BTRC: variants seen among roughly 807,000 people sequenced by gnomAD.
BTRC encodes the protein beta-transducin repeat containing E3 ubiquitin protein ligase.
Under a neutral mutation model 85.5 loss-of-function variants are expected in BTRC, and 42 were observed. The observed-to-expected ratio is 0.49, with a 90% CI of 0.38 to 0.64. The LOEUF (loss-of-function observed/expected upper bound fraction) is 0.64, where lower values mean the gene tolerates loss of function less well. BTRC is among the 30% of genes least tolerant of loss of function. The pLI is 0.00. For synonymous variants in BTRC, 255 were observed against 263.3 expected (o/e 0.97, Z 0.30); for missense variants, 594 against 743.5 (o/e 0.80, Z 2.34).
intron 14 of BTRC, chr10:101,551,240 A>G (rs1483655165): frequency 5.8e-6 from 1 of 171,426 alleles, no homozygotes; most frequent in East Asian, 1.6e-4. Context: ...TTAAGTTCCC[A>G]GATCAAACAA....
intron 3 of BTRC, among the ~76,000 whole-genome samples, chr10:101,471,238 A>G (rs1945515979): frequency 6.6e-6 from 1 of 152,086 alleles, no homozygotes; most frequent in Non-Finnish European, 1.5e-5. Flanking sequence ...GCAGTCTGTG[A>G]GGGGCTGGGT....
chr10:101,467,443 C>T (rs955022654), intron 3 of BTRC, among the ~76,000 whole-genome samples: 5 of 151,072 alleles, frequency 3.3e-5, no homozygotes, highest in African/African-American at 1.2e-4. Flanking sequence ...CTCGAGAAAA[C>T]CCATTCCCTA....
chr10:101,456,667 T>A (rs1945091897), intron 2 of BTRC, among the ~76,000 whole-genome samples: 1 of 152,204 alleles, frequency 6.6e-6, no homozygotes, highest in Non-Finnish European at 1.5e-5. Flanking sequence ...GCTTTAGCAG[T>A]ATTTCCTTTA....
At chr10:101,427,677 T>C (rs1366720141) in intron 1 of BTRC, among the ~76,000 whole-genome samples, 1 of 151,546 alleles carries the variant, frequency 6.6e-6, no homozygotes, top group African/African-American at 2.4e-5. Context: ...CACAGGCATG[T>C]GCCACCATGC....
At chr10:101,501,064 C>T (rs1230420224) in intron 4 of BTRC, among the ~76,000 whole-genome samples, 2 of 151,984 alleles carry the variant, frequency 1.3e-5, no homozygotes, top group Non-Finnish European at 2.9e-5. Flanking sequence ...GGCATGGTGG[C>T]ACACGCCTGT....
chr10:101,424,491 G>A (rs780846829), intron 1 of BTRC, among the ~76,000 whole-genome samples: 14 of 152,174 alleles, frequency 9.2e-5, no homozygotes, highest in Non-Finnish European at 4.4e-5. Flanking sequence ...TTAAGGATAC[G>A]TAAACTCTCA....
chr10:101,496,025 G>A (rs1224315676), intron 4 of BTRC, among the ~76,000 whole-genome samples: 1 of 146,738 alleles, frequency 6.8e-6, no homozygotes, highest in Non-Finnish European at 1.5e-5. Context: ...TTTTTTTACT[G>A]TCTGAATTAT....
At chr10:101,470,637 T>A (rs574589894) in intron 3 of BTRC, among the ~76,000 whole-genome samples, 1 of 152,202 alleles carries the variant, frequency 6.6e-6, no homozygotes, top group Non-Finnish European at 1.5e-5. Context: ...GCCGGTTTTT[T>A]CTTTTAGAAG....
At chr10:101,473,614 G>T (rs1022456083) in intron 3 of BTRC, among the ~76,000 whole-genome samples, 1 of 151,878 alleles carries the variant, frequency 6.6e-6, no homozygotes, top group Non-Finnish European at 1.5e-5. Context: ...GGGATTACAG[G>T]CACTTGCCAC....
chr10:101,441,738 A>G (rs895661238), intron 2 of BTRC, among the ~76,000 whole-genome samples: 1 of 152,080 alleles, frequency 6.6e-6, no homozygotes, highest in Non-Finnish European at 1.5e-5. Context: ...AAAATTAGCC[A>G]GGCGTGGTAG....
chr10:101,539,855 T>C (rs553751816), intron 13 of BTRC, among the ~76,000 whole-genome samples: 1 of 152,362 alleles, frequency 6.6e-6, no homozygotes, highest in South Asian at 2.1e-4. Flanking sequence ...GTCTGTAATT[T>C]AGTCATTCTC....
At chr10:101,468,054 A>T (rs1364084975) in intron 3 of BTRC, among the ~76,000 whole-genome samples, 1 of 152,194 alleles carries the variant, frequency 6.6e-6, no homozygotes, top group South Asian at 2.1e-4. Flanking sequence ...ACGGTTTGGC[A>T]ATTTGTGCCT....
At chr10:101,506,262 T>G (rs969478437) in intron 4 of BTRC, among the ~76,000 whole-genome samples, 4 of 152,172 alleles carry the variant, frequency 2.6e-5, no homozygotes, top group African/African-American at 9.7e-5. Flanking sequence ...TGGGTGGCCC[T>G]TTGAACTGAA....
intron 1 of BTRC, among the ~76,000 whole-genome samples, chr10:101,408,413 C>T (rs1943687392): frequency 6.6e-6 from 1 of 152,008 alleles, no homozygotes; most frequent in Non-Finnish European, 1.5e-5. Flanking sequence ...CTCAAGTGAT[C>T]CTCTCATCTC....
At chr10:101,462,404 G>A (rs1041086444) in intron 3 of BTRC, among the ~76,000 whole-genome samples, 13 of 152,176 alleles carry the variant, frequency 8.5e-5, no homozygotes, top group Non-Finnish European at 1.9e-4. Flanking sequence ...CAGCAGCCGG[G>A]CAAGGTGGCT....
intron 1 of BTRC, among the ~76,000 whole-genome samples, chr10:101,427,947 A>T (rs1056678548): frequency 2.0e-5 from 3 of 152,196 alleles, no homozygotes; most frequent in Non-Finnish European, 4.4e-5. Context: ...AAGCATTCTT[A>T]ATACGTATAA....
At chr10:101,506,079 A>G (rs1486668292) in intron 4 of BTRC, among the ~76,000 whole-genome samples, 1 of 151,978 alleles carries the variant, frequency 6.6e-6, no homozygotes, top group Non-Finnish European at 1.5e-5. Flanking sequence ...ATGCACTGCT[A>G]ATTTTTCTAT....
intron 2 of BTRC, among the ~76,000 whole-genome samples, chr10:101,443,515 A>C (rs1944745482): frequency 6.6e-6 from 1 of 152,218 alleles, no homozygotes; most frequent in Non-Finnish European, 1.5e-5. Context: ...ACTTCAGTAA[A>C]AGTGCTGTTG....
chr10:101,454,401 T>G (rs1008756336), intron 2 of BTRC, among the ~76,000 whole-genome samples: 3 of 152,222 alleles, frequency 2.0e-5, no homozygotes, highest in African/African-American at 7.2e-5. Flanking sequence ...AGATGACAGT[T>G]AAACCTCATT....
Sources: allele counts gnomAD v4.1 joint callset (sites outside exome capture counted in the v4.1 genomes callset), GRCh38; gene constraint gnomAD v4.1.1; transcripts MANE v1.5; gene names NCBI Gene and HGNC (gene_info 2026-07-23, HGNC 2026-07-21).